Variants in LRRTM4 observed in about 807,000 individuals in gnomAD.
LRRTM4 encodes the protein leucine-rich repeat transmembrane neuronal protein 4.
Under a neutral mutation model 47.6 loss-of-function variants are expected in LRRTM4, and 25 were observed. The observed-to-expected ratio is 0.53, with a 90% CI of 0.38 to 0.73. The LOEUF is 0.73. LRRTM4 is among the 30% of genes least tolerant of loss of function. The probability of loss-of-function intolerance (pLI) is 0.00; values close to 1 mark genes in which losing one functional copy is unlikely to be tolerated. For missense variants in LRRTM4, 638 were observed against 713.4 expected, an observed-to-expected ratio of 0.89 and a Z score of 1.20; for synonymous variants, 311 against 269.5, an observed-to-expected ratio of 1.15 and a Z score of -1.51.
In LRRTM4 at chr2:76,979,541, G is replaced by GTATATATATATATATA. The variant is rs70939837; in HGVS notation, c.1552-230626_1552-230625insTATATATATATATATA. 6.9e-4 allele frequency among the ~76,000 whole-genome samples: 87 copies of GTATATATATATATATA among 126,950 alleles called. 4 individuals carry two copies. Among genetic ancestry groups the GTATATATATATATATA allele is most frequent in the African/African-American group, 2.7e-3 (79 of 29,252 alleles). The allele number at this position is 126,950 out of a possible 152,430, so 83.3% of individuals were successfully genotyped here. A position where few individuals can be genotyped will look rare whatever the true frequency, so the allele number is the denominator to read the frequency against. ...ATTCAGACTGCAAAACTGAATTTCT[G>GTATATATATATATATA]TATATATATATGCTCTTCCTCTATA... On this transcript the variant is annotated intron_variant, in intron 3 of 3. Coordinates refer to ENST00000409884, the MANE Select transcript of LRRTM4 (RefSeq NM_001134745.3).
chr2:76,769,033 G>GT (rs1446554489), intron 3 of LRRTM4, among the ~76,000 whole-genome samples: 2 of 152,136 alleles, frequency 1.3e-5, no homozygotes, highest in Non-Finnish European at 2.9e-5. Context: ...TTGTGGCACA[G>GT]TTTAAGAAAT....
At chr2:77,160,654 T>C (rs1032118894) in intron 3 of LRRTM4, among the ~76,000 whole-genome samples, 1 of 152,164 alleles carries the variant, frequency 6.6e-6, no homozygotes, top group Non-Finnish European at 1.5e-5. Flanking sequence ...GCTTTATTTA[T>C]TTCCTTTAAG....
intron 3 of LRRTM4, among the ~76,000 whole-genome samples, chr2:77,195,433 G>T (rs550078442): frequency 6.6e-6 from 1 of 151,868 alleles, no homozygotes; most frequent in East Asian, 1.9e-4. Context: ...ACCATTACAC[G>T]TATATTTAAT....
chr2:77,327,196 A>C (rs1445896651), intron 3 of LRRTM4, among the ~76,000 whole-genome samples: 1 of 152,232 alleles, frequency 6.6e-6, no homozygotes, highest in Non-Finnish European at 1.5e-5. Flanking sequence ...TTGTGGTACT[A>C]AAGTATAACT....
chr2:77,248,267 TATATTCAGTTGC>T (rs1675503581), intron 3 of LRRTM4, among the ~76,000 whole-genome samples: 2 of 151,890 alleles, frequency 1.3e-5, no homozygotes, highest in African/African-American at 4.8e-5. Flanking sequence ...TGTGTGTATG[TATATTCAGTTGC>T]AAATTAAAAT....
At chr2:76,764,653 C>CA (rs1673387453) in intron 3 of LRRTM4, among the ~76,000 whole-genome samples, 1 of 151,812 alleles carries the variant, frequency 6.6e-6, no homozygotes, top group Non-Finnish European at 1.5e-5. Context: ...AAAAAACAAA[C>CA]AAAAAATTAT....
intron 3 of LRRTM4, among the ~76,000 whole-genome samples, chr2:77,509,146 C>T (rs560294647): frequency 4.6e-5 from 7 of 151,040 alleles, no homozygotes; most frequent in South Asian, 2.1e-4. Flanking sequence ...GCAGGAGAAT[C>T]GCTTGAACCC....
At chr2:77,069,355 A>G (rs1680070860) in intron 3 of LRRTM4, among the ~76,000 whole-genome samples, 1 of 151,562 alleles carries the variant, frequency 6.6e-6, no homozygotes, top group South Asian at 2.1e-4. Context: ...ATTTTCTTGG[A>G]TATATACCTA....
intron 3 of LRRTM4, among the ~76,000 whole-genome samples, chr2:77,069,044 A>C (rs887647653): frequency 6.6e-6 from 1 of 152,174 alleles, no homozygotes; most frequent in East Asian, 1.9e-4. Context: ...ACTTTTAGTT[A>C]GTTTGATATC....
chr2:77,428,170 G>A (rs1675199592), intron 3 of LRRTM4, among the ~76,000 whole-genome samples: 2 of 152,100 alleles, frequency 1.3e-5, no homozygotes, highest in South Asian at 4.1e-4. Flanking sequence ...GTTTCCTGAG[G>A]CCTCTTCAGC....
intron 3 of LRRTM4, among the ~76,000 whole-genome samples, chr2:77,164,256 G>A (rs1035333210): frequency 2.2e-4 from 33 of 152,284 alleles, no homozygotes; most frequent in Non-Finnish European, 1.5e-5. Flanking sequence ...AACAAGAAGA[G>A]CTAACTATCC....
At chr2:77,225,633 T>G (rs1573105396) in intron 3 of LRRTM4, among the ~76,000 whole-genome samples, 1 of 152,278 alleles carries the variant, frequency 6.6e-6, no homozygotes, top group South Asian at 2.1e-4. Flanking sequence ...GTAATACATA[T>G]ACACAGTTTA....
At chr2:77,020,768 G>T (rs1678238924) in intron 3 of LRRTM4, among the ~76,000 whole-genome samples, 1 of 152,158 alleles carries the variant, frequency 6.6e-6, no homozygotes, top group African/African-American at 2.4e-5. Flanking sequence ...GTATCTCTCA[G>T]CGTAGAGCCA....
chr2:77,055,661 A>G (rs1302585838), intron 3 of LRRTM4, among the ~76,000 whole-genome samples: 1 of 152,054 alleles, frequency 6.6e-6, no homozygotes, highest in Non-Finnish European at 1.5e-5. Flanking sequence ...AACTGGAAAT[A>G]CCATTTGACC....
At chr2:77,505,111 C>T (rs950907496) in intron 3 of LRRTM4, among the ~76,000 whole-genome samples, 18 of 150,256 alleles carry the variant, frequency 1.2e-4, no homozygotes, top group Admixed American at 7.3e-4. Context: ...TTATAAATTA[C>T]GAATCAAAGT....
intron 3 of LRRTM4, among the ~76,000 whole-genome samples, chr2:76,906,888 AATAATAATGGGAGACT>A (rs1281466993): frequency 2.0e-5 from 3 of 151,536 alleles, no homozygotes; most frequent in East Asian, 1.9e-4. Flanking sequence ...ACTCCCACAC[AATAATAATGGGAGACT>A]TTAACACCCC....
intron 3 of LRRTM4, among the ~76,000 whole-genome samples, chr2:77,402,008 C>A (rs1184191105): frequency 2.6e-5 from 4 of 151,908 alleles, no homozygotes; most frequent in Non-Finnish European, 4.4e-5. Flanking sequence ...TAAACATTTT[C>A]TTTGTACATA....
At chr2:77,117,899 G>A (rs1278071383) in intron 3 of LRRTM4, among the ~76,000 whole-genome samples, 1 of 151,876 alleles carries the variant, frequency 6.6e-6, no homozygotes, top group Non-Finnish European at 1.5e-5. Context: ...GCTGTTTGAG[G>A]AGATGGAATT....
At chr2:76,859,905 C>T (rs185960883) in intron 3 of LRRTM4, among the ~76,000 whole-genome samples, 12 of 152,076 alleles carry the variant, frequency 7.9e-5, no homozygotes, top group Non-Finnish European at 1.2e-4. Flanking sequence ...TGTGAATTGA[C>T]CAGATGAAGT....
Sources: gnomAD v4.1 joint callset for allele counts (sites outside exome capture counted in the v4.1 genomes callset) on GRCh38, gnomAD v4.1.1 for gene constraint, MANE v1.5 for transcripts, NCBI Gene and HGNC (gene_info 2026-07-23, HGNC 2026-07-21) for gene names.